Variants in REST observed in about 807,000 individuals in gnomAD.
REST encodes RE1-silencing transcription factor.
A neutral mutation model predicts 30.4 loss-of-function variants in REST; 1 was observed. The observed-to-expected ratio is 0.03, with a 90% CI of 0.01 to 0.16. The LOEUF is 0.16. REST is among the 10% of genes least tolerant of loss of function. The pLI is 1.00. For missense variants in REST, 1,259 were observed against 1,329.5 expected, an observed-to-expected ratio of 0.95 and a Z score of 0.82; for synonymous variants, 504 against 451.1, an observed-to-expected ratio of 1.12 and a Z score of -1.49.
At chr4:56,927,216 A>G (rs1173393469) in intron 3 of REST, among the ~76,000 whole-genome samples, 1 of 152,188 alleles carries the variant, frequency 6.6e-6, no homozygotes, top group African/African-American at 2.4e-5. Flanking sequence ...AGCTCTATCT[A>G]GAAGTTCTTA....
Position 56,910,635 on chromosome 4 carries a change from A to C in REST, c.-4A>C. 6.3e-7 allele frequency: 1 copy of C among 1,599,960 alleles called. No homozygotes were observed. Among genetic ancestry groups the C allele is most frequent in the Non-Finnish European group, 8.5e-7 (1 of 1,170,894 alleles). ...TTGTTTTGTTTTTAATTCAGAATAC[A>C]GTTATGGCCACCCAGGTAATGGGGC... On this transcript the variant is annotated 5_prime_UTR_variant, in exon 2 of 4. Transcript: ENST00000309042.
rs61748755 is a variant in REST, at chr4:56,930,817, G to A, written c.1959G>A (p.Gln653=). The part of the protein sequence containing the change: ...QIRPAPDEPV[Q]MEVVQEGPAQ... ...GGCCTGCTCCTGACGAGCCTGTTCA[G>A]ATGGAGGTGGTTCAGGAGGGGCCTG... The change falls in exon 4 of 4, where the codon CAG becomes CAA. Residue 653 remains glutamine (Q), a synonymous_variant. Coordinates refer to ENST00000309042, the MANE Select transcript of REST (RefSeq NM_005612.5). The A allele has an allele frequency of 3.1e-6, 5 of 1,610,466 alleles. No individual in the cohort carries two copies. The highest frequency in any genetic ancestry group is 4.2e-6 in the Non-Finnish European group (5 of 1,178,036).
At position 56,930,878 on chromosome 4, in the gene REST, C is replaced by G. The variant is rs1299328056; in HGVS notation, c.2020C>G (p.Gln674Glu). ...GCTGCTGCCTCCCGTGGAGCCTGCT[C>G]AGATGGTGGGTGCCCAAATTGTACT... ...KELLPPVEPAQMVGAQIVLAH... is the reference protein window; with the variant it reads ...KELLPPVEPAEMVGAQIVLAH... The change falls in exon 4 of 4, where the codon CAG becomes GAG. Residue 674 changes from glutamine to glutamate, a missense_variant. Around this residue, in one of 5 missense-constraint regions of REST, gnomAD observed 856 missense variants for 772.8 expected, o/e 1.11. Transcript: ENST00000309042. The G allele has an allele frequency of 3.1e-6, 5 of 1,613,922 alleles. No individual in the cohort carries two copies. The highest frequency in any genetic ancestry group is 4.2e-6 in the Non-Finnish European group (5 of 1,179,970).
At chr4:56,909,428 T>G (rs886333407) in intron 1 of REST, 3 of 152,274 alleles carry the variant, frequency 2.0e-5, no homozygotes, top group Non-Finnish European at 4.4e-5. Context: ...ACGGTCTTCC[T>G]AACAATCGTT....
chr4:56,927,624 G>A, intron 3 of REST: 1 of 1,203,626 alleles, frequency 8.3e-7, no homozygotes, highest in Non-Finnish European at 1.1e-6. Context: ...GTGGGGTATG[G>A]ATACCATTTG....
In REST at chr4:56,911,525, G is replaced by T. The variant is rs779959126; in HGVS notation, c.887G>T (p.Arg296Ile). ...AAAAACAATTATGTTCAGCATGTTA[G>T]AACTCATACAGGTAAGAGAAGCTTT... ...DRKNNYVQHV[R>I]THTGERPYKC... Residue 296 changes from arginine (R) to isoleucine (I), a missense_variant, in exon 2 of 4, where the codon AGA becomes ATA. Physicochemically the swap from Arg to Ile is moderately conservative, Grantham distance 97. This residue lies in a region of REST where 125 missense variants were observed against 255.4 expected (regional missense o/e 0.49). Transcript: ENST00000309042. 6.2e-7 allele frequency: 1 copy of T among 1,612,278 alleles called. No homozygotes were observed. Among genetic ancestry groups the T allele is most frequent in the Admixed American group, 1.7e-5 (1 of 59,882 alleles).
At chr4:56,915,469 C>T (rs748367344) in intron 2 of REST, among the ~76,000 whole-genome samples, 1 of 151,794 alleles carries the variant, frequency 6.6e-6, no homozygotes, top group Admixed American at 6.6e-5. Flanking sequence ...AGGCTGGTCT[C>T]GACCTCCTGA....
At chr4:56,921,404 TTTA>T (rs1720444773) in intron 3 of REST, among the ~76,000 whole-genome samples, 4 of 152,276 alleles carry the variant, frequency 2.6e-5, no homozygotes, top group Admixed American at 1.3e-4. Flanking sequence ...TAAATTTTAT[TTTA>T]TTATTATTTT....
intron 1 of REST, chr4:56,909,281 G>C (rs939728831): frequency 6.6e-6 from 1 of 152,404 alleles, no homozygotes; most frequent in African/African-American, 2.4e-5. Context: ...AGTTTGCAAA[G>C]AGCTGCTTTG....
At chr4:56,917,781 G>A (rs1436245272) in intron 2 of REST, among the ~76,000 whole-genome samples, 1 of 152,142 alleles carries the variant, frequency 6.6e-6, no homozygotes, top group Non-Finnish European at 1.5e-5. Flanking sequence ...GCCGGGTGTG[G>A]CGGCTCATGC....
intron 3 of REST, among the ~76,000 whole-genome samples, chr4:56,922,087 T>A (rs1003375648): frequency 6.6e-6 from 1 of 152,086 alleles, no homozygotes; most frequent in African/African-American, 2.4e-5. Context: ...TAATGTACTT[T>A]GAGTGTTTTT....
chr4:56,930,511 C>G lies in REST; in HGVS notation c.1653C>G (p.Ser551=). 1 of 1,610,416 alleles carries G rather than the reference C, an allele frequency of 6.2e-7. No individual in the cohort carries two copies. Among genetic ancestry groups the G allele is most frequent in the Non-Finnish European group, 8.5e-7 (1 of 1,179,220 alleles). Residue 551 remains serine (S), a synonymous_variant, in exon 4 of 4, where the codon TCC becomes TCG. Coordinates refer to ENST00000309042, the MANE Select transcript of REST (RefSeq NM_005612.5). ...TKKKKKVESK[S]KNNSQEVPKG... Reference sequence around the variant, plus strand: ...AGAAAAAGAAGGTAGAAAGCAAATCCAAAAATAATAGTCAGGAAGTGCCAA... The same window carrying G: ...AGAAAAAGAAGGTAGAAAGCAAATCGAAAAATAATAGTCAGGAAGTGCCAA...
chr4:56,918,995 T>A (rs1220075039), intron 2 of REST, among the ~76,000 whole-genome samples: 1 of 151,658 alleles, frequency 6.6e-6, no homozygotes, highest in Non-Finnish European at 1.5e-5. Context: ...TTTTTTTTTT[T>A]TTTTAAACGA....
intron 1 of REST, among the ~76,000 whole-genome samples, chr4:56,910,102 GC>G (rs1719827200): frequency 6.6e-6 from 1 of 152,146 alleles, no homozygotes; most frequent in Non-Finnish European, 1.5e-5. Flanking sequence ...TTGAGTTCAT[GC>G]GAAATCCAAT....
chr4:56,934,215 A>G lies in REST; in HGVS notation c.*2063A>G, dbSNP rs1287626682. Reference sequence around the variant, plus strand: ...ATTATAAAGCTAGTTAAGTCTTTCTAATGACTAGTTTTAATGTTCATGGGT... The same window carrying G: ...ATTATAAAGCTAGTTAAGTCTTTCTGATGACTAGTTTTAATGTTCATGGGT... On this transcript the variant is annotated 3_prime_UTR_variant, in exon 4 of 4. Coordinates refer to ENST00000309042, the MANE Select transcript of REST (RefSeq NM_005612.5). 6.6e-6 allele frequency: 1 copy of G among 152,240 alleles called. No homozygotes were observed. The highest frequency in any genetic ancestry group is 2.4e-5 in the African/African-American group (1 of 41,468). 9.4% of individuals were successfully genotyped at this position (152,240 alleles called of 1,614,324 possible). A position where few individuals can be genotyped will look rare whatever the true frequency, so the allele number is the denominator to read the frequency against.
intron 2 of REST, among the ~76,000 whole-genome samples, chr4:56,917,852 C>G (rs987779071): frequency 1.3e-5 from 2 of 150,780 alleles, no homozygotes; most frequent in African/African-American, 4.9e-5. Context: ...GAGATCGAGA[C>G]CATCCTGGCT....
At chr4:56,928,171 G>A (rs538897683) in intron 3 of REST, among the ~76,000 whole-genome samples, 2 of 152,152 alleles carry the variant, frequency 1.3e-5, no homozygotes, top group African/African-American at 2.4e-5. Flanking sequence ...GCAGTGGTGC[G>A]ATCTTGGCTC....
At position 56,931,921 on chromosome 4, in the gene REST, C is replaced by T; in HGVS notation, c.3063C>T (p.Asp1021=). The T allele has an allele frequency of 6.2e-7, 1 of 1,614,182 alleles. No individual in the cohort carries two copies. Among genetic ancestry groups the T allele is most frequent in the Non-Finnish European group, 8.5e-7 (1 of 1,180,044 alleles). ...GCCATGAAGGAAGTGACCTAAGTGACAACATGTCAGAGGGTAGTGATGATT... is the reference window on the plus strand; with the variant it reads ...GCCATGAAGGAAGTGACCTAAGTGATAACATGTCAGAGGGTAGTGATGATT... ...IHSHEGSDLS[D]NMSEGSDDSG... Residue 1021 remains aspartate (D), a synonymous_variant, in exon 4 of 4, where the codon GAC becomes GAT. Coordinates refer to ENST00000309042, the MANE Select transcript of REST (RefSeq NM_005612.5).
chr4:56,925,206 G>GT (rs1453309534), intron 3 of REST, among the ~76,000 whole-genome samples: 1 of 151,578 alleles, frequency 6.6e-6, no homozygotes, highest in Non-Finnish European at 1.5e-5. Context: ...TTCTCTCTTG[G>GT]TTTTTGTTTT....
Sources: allele counts gnomAD v4.1 joint callset (sites outside exome capture counted in the v4.1 genomes callset), GRCh38; gene constraint gnomAD v4.1.1; regional missense constraint gnomAD v4.1.1; transcripts MANE v1.5; gene names NCBI Gene and HGNC (gene_info 2026-07-23, HGNC 2026-07-21).